The following BMPER variants were observed in gnomAD, a reference collection of about 807,000 sequenced individuals.
BMPER encodes BMP binding endothelial regulator.
In BMPER, 45 loss-of-function variants were observed where a neutral mutation model predicts 87.3. That is an observed-to-expected ratio of 0.52 (90% CI 0.41 to 0.66). The LOEUF (loss-of-function observed/expected upper bound fraction) is 0.66, where lower values mean the gene tolerates loss of function less well. Ranked by LOEUF, BMPER falls within the 30% of genes least tolerant of loss-of-function variation. The pLI is 0.00. For missense variants in BMPER, 784 were observed against 867.5 expected (o/e 0.90, Z 1.21); for synonymous variants, 326 against 316.2 (o/e 1.03, Z -0.33).
intron 13 of BMPER, among the ~76,000 whole-genome samples, chr7:34,115,713 C>G (rs1790101418): frequency 6.6e-6 from 1 of 152,158 alleles, no homozygotes; most frequent in Non-Finnish European, 1.5e-5. Context: ...TATGGATGTA[C>G]CACATTTATT....
intron 13 of BMPER, among the ~76,000 whole-genome samples, chr7:34,110,268 C>A (rs1789924867): frequency 6.6e-6 from 1 of 152,192 alleles, no homozygotes; most frequent in Non-Finnish European, 1.5e-5. Context: ...CCCAAGCCAG[C>A]ATGTTCCAAC....
intron 11 of BMPER, among the ~76,000 whole-genome samples, chr7:34,073,297 C>T (rs1278449131): frequency 7.9e-5 from 12 of 152,112 alleles, no homozygotes; most frequent in African/African-American, 2.2e-4. Context: ...TGCCATTATT[C>T]GAACATCATA....
rs535182281 is a variant in BMPER at position 33,921,005 on chromosome 7, A to C, written c.219+14102A>C. Among the ~76,000 whole-genome samples, 12 of 152,136 alleles carry C rather than the reference A, an allele frequency of 7.9e-5. No homozygotes were observed. The East Asian group carries it at 2.1e-3, about 27-fold the overall frequency. Reference sequence around the variant, plus strand: ...GTCTTTATTGAAGTGTTCTTTTCCTATTCATGTCATCTTTATCAAACCTCC... The same window carrying C: ...GTCTTTATTGAAGTGTTCTTTTCCTCTTCATGTCATCTTTATCAAACCTCC... On this transcript the variant is annotated intron_variant, in intron 2 of 14. Coordinates refer to ENST00000649409, the MANE Select transcript of BMPER (RefSeq NM_001365308.1).
At chr7:33,974,370 C>T (rs535243527) in intron 5 of BMPER, among the ~76,000 whole-genome samples, 1 of 152,180 alleles carries the variant, frequency 6.6e-6, no homozygotes, top group Non-Finnish European at 1.5e-5. Context: ...CTCCTCTGGC[C>T]CCCCTGGGTT....
intron 3 of BMPER, among the ~76,000 whole-genome samples, chr7:33,961,120 G>A (rs548721777): frequency 1.8e-4 from 27 of 152,282 alleles, no homozygotes; most frequent in African/African-American, 6.3e-4. Flanking sequence ...GTGCAAAATC[G>A]CAGGTTGAGA....
chr7:33,977,966 A>G (rs1244149758), intron 6 of BMPER, among the ~76,000 whole-genome samples: 1 of 152,136 alleles, frequency 6.6e-6, no homozygotes, highest in Non-Finnish European at 1.5e-5. Flanking sequence ...CGGAGGGGAG[A>G]CAAGGATGAA....
rs150616593 is a variant in BMPER, at chr7:34,032,513, A to G, written c.577-13793A>G. On this transcript the variant is annotated intron_variant, in intron 6 of 14. Transcript: ENST00000649409. ...ATTTGGAGTCTTCAAGAGTATTTTG[A>G]TGCAGACACCTCACATATTAAGTAT... Among the ~76,000 whole-genome samples the G allele has an allele frequency of 3.3e-3, 508 of 152,282 alleles. 2 individuals are homozygous for G. The highest frequency in any genetic ancestry group is 0.011 in the African/African-American group (471 of 41,576).
At chr7:34,132,284 T>C (rs1790612902) in intron 13 of BMPER, among the ~76,000 whole-genome samples, 1 of 152,120 alleles carries the variant, frequency 6.6e-6, no homozygotes, top group Non-Finnish European at 1.5e-5. Flanking sequence ...CTTAATATGT[T>C]GCCCTCAAGA....
chr7:33,930,608 A>G (rs1289317925), intron 2 of BMPER, among the ~76,000 whole-genome samples: 1 of 152,094 alleles, frequency 6.6e-6, no homozygotes, highest in Admixed American at 6.6e-5. Flanking sequence ...AGAGGTCATC[A>G]CTTCATTTTA....
intron 14 of BMPER, among the ~76,000 whole-genome samples, chr7:34,146,830 T>G (rs1439677438): frequency 6.6e-6 from 1 of 152,188 alleles, no homozygotes; most frequent in East Asian, 1.9e-4. Flanking sequence ...GTGCTTATAT[T>G]AGTGTCAACT....
At chr7:34,077,432 C>T (rs1478757904) in intron 11 of BMPER, among the ~76,000 whole-genome samples, 1 of 152,162 alleles carries the variant, frequency 6.6e-6, no homozygotes, top group African/African-American at 2.4e-5. Context: ...GCTGAGCTTT[C>T]AAAATGTGTC....
At chr7:33,962,663 T>C (rs1287624674) in intron 3 of BMPER, among the ~76,000 whole-genome samples, 1 of 152,188 alleles carries the variant, frequency 6.6e-6, no homozygotes, top group Non-Finnish European at 1.5e-5. Context: ...TTTAAAGATA[T>C]CGTAGTGATT....
At chr7:33,965,687 G>A (rs1291111042) in intron 3 of BMPER, among the ~76,000 whole-genome samples, 1 of 152,152 alleles carries the variant, frequency 6.6e-6, no homozygotes, top group South Asian at 2.1e-4. Context: ...CCTAGATCGT[G>A]TAACCCACAG....
intron 6 of BMPER, among the ~76,000 whole-genome samples, chr7:34,001,813 C>T (rs1406127085): frequency 6.6e-6 from 1 of 151,526 alleles, no homozygotes; most frequent in African/African-American, 2.4e-5. Flanking sequence ...TAAGTGTTTA[C>T]AGGTACGCAT....
At chr7:34,095,500 G>A (rs1040672560) in intron 13 of BMPER, among the ~76,000 whole-genome samples, 2 of 152,138 alleles carry the variant, frequency 1.3e-5, no homozygotes, top group Admixed American at 6.5e-5. Context: ...ATGTCTTTTC[G>A]TTTTAGCTTC....
Position 33,929,137 on chromosome 7 carries a change from G to A in BMPER, c.220-8152G>A, listed in dbSNP as rs1349996425. ...CAGAGTTTGCACTGTGAGCTGGGCC[G>A]GAGGAGGCGTGTTTGCCAGGGCCTG... On this transcript the variant is annotated intron_variant, in intron 2 of 14. Coordinates refer to ENST00000649409, the MANE Select transcript of BMPER (RefSeq NM_001365308.1). Among the ~76,000 whole-genome samples the A allele has an allele frequency of 7.2e-5, 11 of 152,264 alleles. No homozygotes were observed. The South Asian group carries it at 1.9e-3, about 26-fold the overall frequency.
At chr7:34,077,781 T>G (rs1788904095) in intron 11 of BMPER, among the ~76,000 whole-genome samples, 1 of 152,246 alleles carries the variant, frequency 6.6e-6, no homozygotes, top group African/African-American at 2.4e-5. Flanking sequence ...TCCTCTGTCT[T>G]GACTCAATTC....
At chr7:34,148,139 C>T (rs1259623671) in intron 14 of BMPER, among the ~76,000 whole-genome samples, 3 of 152,176 alleles carry the variant, frequency 2.0e-5, no homozygotes, top group African/African-American at 7.2e-5. Context: ...ATCCGCCCTT[C>T]CCTGATTAAG....
At chr7:34,001,577 T>TC (rs1786581716) in intron 6 of BMPER, among the ~76,000 whole-genome samples, 1 of 146,654 alleles carries the variant, frequency 6.8e-6, no homozygotes, top group African/African-American at 2.5e-5. Flanking sequence ...TTTTTTTTTT[T>TC]CTGTTCAGTC....
Sources: allele counts gnomAD v4.1 joint callset (sites outside exome capture counted in the v4.1 genomes callset), GRCh38; gene constraint gnomAD v4.1.1; transcripts MANE v1.5; gene names NCBI Gene and HGNC (gene_info 2026-07-23, HGNC 2026-07-21).